The following LMX1B variants were observed in gnomAD, a reference collection of about 807,000 sequenced individuals.
LMX1B encodes LIM homeobox transcription factor 1 beta, also known as LIM homeobox transcription factor 1-beta.
LMX1B carries 12 observed loss-of-function variants against 51.4 expected under a neutral mutation model. The observed-to-expected ratio is 0.23, with a 90% CI of 0.15 to 0.38. The LOEUF (loss-of-function observed/expected upper bound fraction) is 0.38, where lower values mean the gene tolerates loss of function less well. LMX1B is among the 10% of genes least tolerant of loss of function. The probability of loss-of-function intolerance (pLI) is 1.00; values close to 1 mark genes in which losing one functional copy is unlikely to be tolerated. For missense variants in LMX1B, 445 were observed against 571.1 expected, an observed-to-expected ratio of 0.78 and a Z score of 2.25; for synonymous variants, 237 against 235.4, an observed-to-expected ratio of 1.01 and a Z score of -0.06.
At chr9:126,622,281 G>C (rs888382897) in intron 2 of LMX1B, among the ~76,000 whole-genome samples, 3 of 152,182 alleles carry the variant, frequency 2.0e-5, no homozygotes, top group African/African-American at 7.2e-5. Flanking sequence ...CTGGAGCCTG[G>C]TTCCAGAAGA....
intron 2 of LMX1B, among the ~76,000 whole-genome samples, chr9:126,686,022 G>T (rs912340864): frequency 6.6e-6 from 1 of 152,154 alleles, no homozygotes; most frequent in African/African-American, 2.4e-5. Flanking sequence ...GTTACTGGAG[G>T]TGAAAGAATC....
rs1836496196 is a variant in LMX1B at position 126,673,400 on chromosome 9, A to G, written c.327-17436A>G. Among the ~76,000 whole-genome samples the G allele has an allele frequency of 6.6e-6, 1 of 152,120 alleles. No homozygotes were observed. The highest frequency in any genetic ancestry group is 1.5e-5 in the Non-Finnish European group (1 of 68,008). Reference sequence around the variant, plus strand: ...AACTCCGCACCAGGGAGCTGGGCAGATCTGAGAGCCGCACAGGAGGCCAGT... The same window carrying G: ...AACTCCGCACCAGGGAGCTGGGCAGGTCTGAGAGCCGCACAGGAGGCCAGT... On this transcript the variant is annotated intron_variant, in intron 2 of 7. Coordinates refer to ENST00000373474, the MANE Select transcript of LMX1B (RefSeq NM_001174147.2). The surrounding 1 kb of genome is among the most constrained non-coding windows in gnomAD (Gnocchi z 4.4).
intron 2 of LMX1B, among the ~76,000 whole-genome samples, chr9:126,627,281 C>T (rs1030218979): frequency 6.6e-6 from 1 of 152,138 alleles, no homozygotes; most frequent in Non-Finnish European, 1.5e-5. Context: ...AGGGACCCTT[C>T]TTCCCTTTTT....
intron 2 of LMX1B, among the ~76,000 whole-genome samples, chr9:126,666,608 A>G (rs1836345743): frequency 6.6e-6 from 1 of 152,196 alleles, no homozygotes; most frequent in African/African-American, 2.4e-5. Context: ...GCGCCATTCT[A>G]TGTGCTTTAC....
chr9:126,624,726 A>G (rs1285270630), intron 2 of LMX1B, among the ~76,000 whole-genome samples: 1 of 149,902 alleles, frequency 6.7e-6, no homozygotes, highest in Non-Finnish European at 1.5e-5. Flanking sequence ...ATCCACAAAT[A>G]TTTACTCTTA....
intron 2 of LMX1B, among the ~76,000 whole-genome samples, chr9:126,619,310 G>A (rs932683152): frequency 6.6e-6 from 1 of 152,170 alleles, no homozygotes; most frequent in Non-Finnish European, 1.5e-5. Context: ...CAGCTCCCGC[G>A]TTCGGGTGTG....
intron 2 of LMX1B, among the ~76,000 whole-genome samples, chr9:126,654,404 CTG>C (rs1836074606): frequency 6.6e-6 from 1 of 152,206 alleles, no homozygotes; most frequent in South Asian, 2.1e-4. Flanking sequence ...GAGGCAGAGA[CTG>C]TGTCTGGTTT....
chr9:126,672,856 G>A (rs974010511), intron 2 of LMX1B, among the ~76,000 whole-genome samples: 3 of 152,220 alleles, frequency 2.0e-5, no homozygotes, highest in South Asian at 2.1e-4. Flanking sequence ...ACTGGTAAGC[G>A]GAAGCGTTGG....
At chr9:126,650,220 C>G (rs1335476773) in intron 2 of LMX1B, among the ~76,000 whole-genome samples, 1 of 152,210 alleles carries the variant, frequency 6.6e-6, no homozygotes, top group Non-Finnish European at 1.5e-5. Context: ...TCCTGCCCTG[C>G]CCCGAAGTCG....
chr9:126,637,480 G>C (rs10987376), intron 2 of LMX1B, among the ~76,000 whole-genome samples: 66 of 152,014 alleles, frequency 4.3e-4, no homozygotes, highest in African/African-American at 1.6e-3. Context: ...GTGTGGGGGT[G>C]GGGGGTTGTG....
At chr9:126,665,973 G>C (rs1178478631) in intron 2 of LMX1B, among the ~76,000 whole-genome samples, 1 of 152,270 alleles carries the variant, frequency 6.6e-6, no homozygotes, top group East Asian at 1.9e-4. Context: ...GGTGAACAAA[G>C]ATCGGAGGAG....
chr9:126,690,597 G>A (rs1053247723), intron 2 of LMX1B, among the ~76,000 whole-genome samples: 2 of 152,206 alleles, frequency 1.3e-5, no homozygotes, highest in African/African-American at 4.8e-5. Flanking sequence ...GAGCTGCCAC[G>A]CCCGGGACAG....
chr9:126,684,069 C>T (rs1285987323), intron 2 of LMX1B, among the ~76,000 whole-genome samples: 1 of 152,042 alleles, frequency 6.6e-6, no homozygotes, highest in African/African-American at 2.4e-5. Context: ...TGGGTGTTTG[C>T]TGGGTGAATG....
intron 2 of LMX1B, among the ~76,000 whole-genome samples, chr9:126,667,430 G>A (rs1836362846): frequency 6.6e-6 from 1 of 152,238 alleles, no homozygotes; most frequent in Non-Finnish European, 1.5e-5. Context: ...CCATACATCA[G>A]TGAGCATCCT....
chr9:126,661,184 C>G (rs973332794), intron 2 of LMX1B, among the ~76,000 whole-genome samples: 1 of 152,138 alleles, frequency 6.6e-6, no homozygotes, highest in South Asian at 2.1e-4. Context: ...GGCGACCCCT[C>G]AAGCTAATGT....
chr9:126,643,326 G>A (rs950280940), intron 2 of LMX1B, among the ~76,000 whole-genome samples: 50 of 152,256 alleles, frequency 3.3e-4, no homozygotes, highest in African/African-American at 1.2e-3. Flanking sequence ...AGGCTCAAGT[G>A]CACCTTTGAT....
chr9:126,682,894 G>GGAA (rs768290249), intron 2 of LMX1B, among the ~76,000 whole-genome samples: 3 of 86,140 alleles, frequency 3.5e-5, no homozygotes, highest in African/African-American at 1.3e-4. Context: ...CACTCTGTCT[G>GGAA]AAAAAAAAAA....
rs1019948303 is a variant in LMX1B at position 126,618,901 on chromosome 9, C to A, written c.326+3332C>A. 6.6e-6 allele frequency among the ~76,000 whole-genome samples: 1 copy of A among 151,916 alleles called. No homozygotes were observed. ...GACCCGAGACCCGCTGGGGTGCAAG[C>A]GGGCGCCTTTGTGCACGGCGAGACG... On this transcript the variant is annotated intron_variant, in intron 2 of 7. Transcript: ENST00000373474. The surrounding 1 kb of genome is among the most constrained non-coding windows in gnomAD (Gnocchi z 4.5).
chr9:126,662,398 G>A (rs187493944), intron 2 of LMX1B, among the ~76,000 whole-genome samples: 38 of 152,268 alleles, frequency 2.5e-4, no homozygotes, highest in African/African-American at 9.1e-4. Context: ...TCCTTGTCAG[G>A]GAATTCCCTT....
Sources: allele counts gnomAD v4.1 joint callset (sites outside exome capture counted in the v4.1 genomes callset), GRCh38; gene constraint gnomAD v4.1.1; non-coding constraint Gnocchi (gnomAD v3.1); transcripts MANE v1.5; gene names NCBI Gene and HGNC (gene_info 2026-07-23, HGNC 2026-07-21).